Variants in COG5 observed in about 807,000 individuals in gnomAD.
COG5 encodes conserved oligomeric Golgi complex subunit 5.
COG5 carries 86 observed loss-of-function variants against 110.4 expected under a neutral mutation model. The observed-to-expected ratio is 0.78, with a 90% CI of 0.65 to 0.93. The LOEUF is 0.93. Ranked by LOEUF, COG5 falls within the 40% of genes least tolerant of loss-of-function variation. The probability of loss-of-function intolerance (pLI) is 0.00; values close to 1 mark genes in which losing one functional copy is unlikely to be tolerated. For missense variants in COG5, 1,077 were observed against 987.0 expected (o/e 1.09, Z -1.22); for synonymous variants, 360 against 334.6 (o/e 1.08, Z -0.83).
intron 10 of COG5, among the ~76,000 whole-genome samples, chr7:107,349,703 G>A (rs1038229833): frequency 1.2e-4 from 19 of 152,242 alleles, no homozygotes; most frequent in Admixed American, 7.8e-4. Flanking sequence ...TACTACAGGC[G>A]CCGGCCACCA....
chr7:107,356,362 C>G (rs1446508130), intron 10 of COG5, among the ~76,000 whole-genome samples: 1 of 152,072 alleles, frequency 6.6e-6, no homozygotes, highest in Non-Finnish European at 1.5e-5. Context: ...GAAAACATAT[C>G]TATTAAATTA....
At chr7:107,287,570 CCA>C (rs999443269) in intron 12 of COG5, among the ~76,000 whole-genome samples, 6 of 152,154 alleles carry the variant, frequency 3.9e-5, no homozygotes, top group African/African-American at 1.4e-4. Flanking sequence ...GCTATCATCA[CCA>C]CAGTCAATTT....
chr7:107,409,945 A>C (rs1488465814), intron 7 of COG5, among the ~76,000 whole-genome samples: 2 of 152,238 alleles, frequency 1.3e-5, no homozygotes, highest in Non-Finnish European at 2.9e-5. Flanking sequence ...GTAATAAAAA[A>C]GTAATTGAAG....
chr7:107,303,647 C>T (rs181341553), intron 11 of COG5, among the ~76,000 whole-genome samples: 29 of 151,986 alleles, frequency 1.9e-4, no homozygotes, highest in Admixed American at 1.6e-3. Context: ...TGCTCAAACT[C>T]CTAGGCTGGT....
At chr7:107,324,279 G>C (rs1809563128) in intron 11 of COG5, among the ~76,000 whole-genome samples, 161 bp downstream of exon 11, 2 of 152,028 alleles carry the variant, frequency 1.3e-5, no homozygotes, top group Non-Finnish European at 2.9e-5. Flanking sequence ...ATATGTCTAG[G>C]AGATTCCAGA....
chr7:107,268,241 T>C (rs1322008445), intron 14 of COG5, among the ~76,000 whole-genome samples: 1 of 152,220 alleles, frequency 6.6e-6, no homozygotes, highest in African/African-American at 2.4e-5. Flanking sequence ...GTGCAGGGAT[T>C]ACAGGCGTGA....
At chr7:107,337,726 T>C (rs903466961) in intron 10 of COG5, among the ~76,000 whole-genome samples, 12 of 152,100 alleles carry the variant, frequency 7.9e-5, no homozygotes, top group Non-Finnish European at 1.3e-4. Flanking sequence ...TAAGTTCTAA[T>C]GTTCAATAGC....
At chr7:107,305,282 T>C (rs1322357040) in intron 11 of COG5, among the ~76,000 whole-genome samples, 2 of 152,206 alleles carry the variant, frequency 1.3e-5, no homozygotes, top group Non-Finnish European at 2.9e-5. Flanking sequence ...TCAGCCTTCA[T>C]AGCTTAATTA....
chr7:107,283,830 A>C, intron 12 of COG5, 98 bp from the exon 13 acceptor site: 1 of 814,950 alleles, frequency 1.2e-6, no homozygotes, highest in Non-Finnish European at 2.1e-6. Flanking sequence ...TGCACCTCCC[A>C]TAAAAATGTA....
chr7:107,304,399 G>A (rs1807532050), intron 11 of COG5, among the ~76,000 whole-genome samples: 1 of 152,002 alleles, frequency 6.6e-6, no homozygotes, highest in Non-Finnish European at 1.5e-5. Context: ...TGAAAGCAGG[G>A]TTATTATTTG....
intron 8 of COG5, among the ~76,000 whole-genome samples, chr7:107,365,596 C>CAAAAAAAAAAAAAAAAAAAAAA (rs71134263): frequency 5.5e-5 from 2 of 36,690 alleles, no homozygotes; most frequent in Non-Finnish European, 1.0e-4. Context: ...TGCAAAATGA[C>CAAAAAAAAAAAAAAAAAAAAAA]AAAAAAAAAA....
At chr7:107,450,804 C>A (rs1363508015) in intron 6 of COG5, among the ~76,000 whole-genome samples, 1 of 152,196 alleles carries the variant, frequency 6.6e-6, no homozygotes, top group Non-Finnish European at 1.5e-5. Context: ...AACACCTTTT[C>A]TTAATTGCGT....
In COG5 at chr7:107,474,138, C is replaced by A. The variant is rs1329779482; in HGVS notation, c.538+53099G>T. 4 of 1,608,138 alleles carry A rather than the reference C, an allele frequency of 2.5e-6. No individual in the cohort carries two copies. The highest frequency in any genetic ancestry group is 1.3e-5 in the African/African-American group (1 of 74,872). ...CAGTGCGAGATGACATTGATGACAT[C>A]AACACCAATATGTACCAACCACTAT... On this transcript the variant is annotated intron_variant, in intron 6 of 21. Coordinates refer to ENST00000297135, the MANE Select transcript of COG5 (RefSeq NM_006348.5). The surrounding 1 kb of genome is among the most constrained non-coding windows in gnomAD (Gnocchi z 5.7).
At chr7:107,361,690 T>G (rs1813130890) in intron 10 of COG5, among the ~76,000 whole-genome samples, 1 of 152,110 alleles carries the variant, frequency 6.6e-6, no homozygotes, top group South Asian at 2.1e-4. Flanking sequence ...GCCTCCCGAG[T>G]AGCTGGGACT....
intron 3 of COG5, among the ~76,000 whole-genome samples, chr7:107,549,928 C>A (rs944897382): frequency 6.6e-6 from 1 of 152,152 alleles, no homozygotes; most frequent in African/African-American, 2.4e-5. Context: ...CACACATATA[C>A]AGACGTATAC....
At position 107,211,086 on chromosome 7, in the gene COG5, C is replaced by T. The variant is rs1026401988; in HGVS notation, c.2295+13G>A. 48 of 1,613,730 alleles carry T rather than the reference C, an allele frequency of 3.0e-5. No individual in the cohort carries two copies. The highest frequency in any genetic ancestry group is 3.9e-5 in the Non-Finnish European group (46 of 1,179,946). ...GAGTCACAAAAGGGTTCTGGCTTGA[C>T]TTTATTTATTACCTGGAAAGGAGAT... On this transcript the variant is annotated intron_variant, in intron 20 of 21. Coordinates refer to ENST00000297135, the MANE Select transcript of COG5 (RefSeq NM_006348.5).
intron 16 of COG5, among the ~76,000 whole-genome samples, chr7:107,251,980 A>G (rs1400470020): frequency 6.6e-6 from 1 of 152,098 alleles, no homozygotes; most frequent in African/African-American, 2.4e-5. Context: ...ATTGATCGAG[A>G]AAAAAACAGG....
chr7:107,374,821 A>T (rs1814490201), intron 7 of COG5, among the ~76,000 whole-genome samples: 1 of 152,000 alleles, frequency 6.6e-6, no homozygotes, highest in African/African-American at 2.4e-5. Flanking sequence ...AATGGCATTC[A>T]TATTTATAGC....
intron 14 of COG5, among the ~76,000 whole-genome samples, chr7:107,264,390 T>C (rs550574098): frequency 2.0e-4 from 31 of 151,458 alleles, no homozygotes; most frequent in Admixed American, 5.9e-4. Context: ...AAATATATTG[T>C]AAAAAAATTC....
Sources: allele counts gnomAD v4.1 joint callset (sites outside exome capture counted in the v4.1 genomes callset), GRCh38; gene constraint gnomAD v4.1.1; non-coding constraint Gnocchi (gnomAD v3.1); transcripts MANE v1.5; gene names NCBI Gene and HGNC (gene_info 2026-07-23, HGNC 2026-07-21).